NTM: variants seen among roughly 807,000 people sequenced by gnomAD.
NTM encodes the protein neurotrimin, also known as IgLON family member 2.
Under a neutral mutation model 42.1 loss-of-function variants are expected in NTM, and 13 were observed. The observed-to-expected ratio is 0.31, with a 90% confidence interval of 0.20 to 0.49. The LOEUF (loss-of-function observed/expected upper bound fraction) is 0.49. Among genes scored for constraint, NTM ranks in the 20% least tolerant of loss-of-function variants. NTM has a pLI of 0.99. For synonymous variants in NTM, 187 were observed against 179.2 expected, an observed-to-expected ratio of 1.04 and a Z score of -0.35; for missense variants, 373 against 452.8, an observed-to-expected ratio of 0.82 and a Z score of 1.60.
At chr11:131,707,893 A>G (rs1428389753) in intron 1 of NTM, among the ~76,000 whole-genome samples, 12 of 152,134 alleles carry the variant, frequency 7.9e-5, no homozygotes, top group Non-Finnish European at 1.3e-4. Context: ...CTTCTACTCA[A>G]TGTAGGACTG....
chr11:131,715,079 T>G (rs2077549058), intron 1 of NTM, among the ~76,000 whole-genome samples: 1 of 152,164 alleles, frequency 6.6e-6, no homozygotes, highest in Non-Finnish European at 1.5e-5. Flanking sequence ...CACTAGGACC[T>G]TGTGATACAA....
chr11:131,576,825 G>T (rs1375870478), intron 1 of NTM, among the ~76,000 whole-genome samples: 1 of 152,212 alleles, frequency 6.6e-6, no homozygotes, highest in Non-Finnish European at 1.5e-5. Context: ...GGCTCTGTCA[G>T]TTTCTTACTG....
At chr11:131,786,846 C>T (rs2089319698) in intron 1 of NTM, among the ~76,000 whole-genome samples, 1 of 152,162 alleles carries the variant, frequency 6.6e-6, no homozygotes, top group Non-Finnish European at 1.5e-5. Context: ...TGGCTACAGG[C>T]TATTCCTGTC....
intron 1 of NTM, among the ~76,000 whole-genome samples, chr11:131,707,965 A>T (rs1372577489): frequency 6.6e-6 from 1 of 152,138 alleles, no homozygotes; most frequent in African/African-American, 2.4e-5. Context: ...ATTGAAAAAG[A>T]AGTAAAATTG....
chr11:131,874,777 A>G (rs2048326777), intron 1 of NTM, among the ~76,000 whole-genome samples: 1 of 152,198 alleles, frequency 6.6e-6, no homozygotes, highest in African/African-American at 2.4e-5. Context: ...GGGCTGTATT[A>G]TTGCCAAAGG....
intron 1 of NTM, among the ~76,000 whole-genome samples, chr11:131,858,446 G>A (rs911944545): frequency 6.6e-6 from 1 of 151,996 alleles, no homozygotes; most frequent in African/African-American, 2.4e-5. Flanking sequence ...TTGTATCTCC[G>A]TCTTCTACTA....
chr11:131,730,223 T>C (rs530139880), intron 1 of NTM, among the ~76,000 whole-genome samples: 1 of 152,326 alleles, frequency 6.6e-6, no homozygotes, highest in Admixed American at 6.5e-5. Context: ...TTACCAGCCA[T>C]TTGCATATCT....
chr11:132,081,820 T>G (rs1207767881), intron 2 of NTM, among the ~76,000 whole-genome samples: 4 of 151,492 alleles, frequency 2.6e-5, no homozygotes, highest in Non-Finnish European at 5.9e-5. Context: ...AACCAGCTAC[T>G]TGGAGGGTTG....
chr11:131,633,645 C>G (rs550512086), intron 1 of NTM, among the ~76,000 whole-genome samples: 472 of 143,376 alleles, frequency 3.3e-3, no homozygotes, highest in African/African-American at 4.1e-3. Flanking sequence ...GCCTCTCTCT[C>G]CCTCTCTCTC....
chr11:132,104,937 G>GTGTGTATATATA (rs1169190929), intron 2 of NTM, among the ~76,000 whole-genome samples: 22 of 61,818 alleles, frequency 3.6e-4, no homozygotes, highest in African/African-American at 7.9e-4. Context: ...ATATACATAT[G>GTGTGTATATATA]TATATATATA....
intron 2 of NTM, among the ~76,000 whole-genome samples, chr11:131,916,049 A>T (rs2056299104): frequency 6.6e-6 from 1 of 152,202 alleles, no homozygotes. Context: ...CTGGCTGTGG[A>T]CAAAGAGGTC....
chr11:131,438,044 T>A (rs955076578), intron 1 of NTM, among the ~76,000 whole-genome samples: 12 of 152,208 alleles, frequency 7.9e-5, no homozygotes, highest in Non-Finnish European at 2.9e-5. Flanking sequence ...CTTATGAAGC[T>A]TAGTTTGGCT....
chr11:131,875,998 C>T (rs892444045), intron 1 of NTM, among the ~76,000 whole-genome samples: 3 of 152,184 alleles, frequency 2.0e-5, no homozygotes, highest in Admixed American at 6.5e-5. Flanking sequence ...GAGTGACACT[C>T]AACAATTTTG....
At chr11:131,563,380 CT>C in intron 1 of NTM, among the ~76,000 whole-genome samples, 1 of 152,130 alleles carries the variant, frequency 6.6e-6, no homozygotes, top group Admixed American at 6.5e-5. Context: ...AATGGAAGTT[CT>C]AGCAGCCCCT....
chr11:132,043,442 A>T (rs2077472181), intron 2 of NTM, among the ~76,000 whole-genome samples: 1 of 152,232 alleles, frequency 6.6e-6, no homozygotes. Flanking sequence ...TCAAGAGCTC[A>T]TCAAGCCCCT....
At chr11:132,028,294 T>G (rs1241193523) in intron 2 of NTM, among the ~76,000 whole-genome samples, 2 of 151,904 alleles carry the variant, frequency 1.3e-5, no homozygotes, top group African/African-American at 4.8e-5. Context: ...ACTTTTATCT[T>G]TAAAGCCAGA....
At chr11:131,757,571 C>T (rs554104931) in intron 1 of NTM, among the ~76,000 whole-genome samples, 5 of 152,278 alleles carry the variant, frequency 3.3e-5, no homozygotes, top group Non-Finnish European at 7.4e-5. Flanking sequence ...ATATTCAATG[C>T]CAGGTGAGAC....
intron 1 of NTM, among the ~76,000 whole-genome samples, chr11:131,749,563 C>T (rs995930837): frequency 4.6e-5 from 7 of 152,142 alleles, no homozygotes; most frequent in Admixed American, 1.3e-4. Context: ...CTGTTGTTGA[C>T]GTATGTCCCT....
At chr11:132,126,945 C>G (rs1275565913) in intron 2 of NTM, among the ~76,000 whole-genome samples, 1 of 152,214 alleles carries the variant, frequency 6.6e-6, no homozygotes, top group Non-Finnish European at 1.5e-5. Context: ...AGGCACAGCA[C>G]ATTAAGAACT....
Sources: gnomAD v4.1 joint callset for allele counts (sites outside exome capture counted in the v4.1 genomes callset) on GRCh38, gnomAD v4.1.1 for gene constraint, MANE v1.5 for transcripts, NCBI Gene and HGNC (gene_info 2026-07-23, HGNC 2026-07-21) for gene names.